Variants in NDUFV2 observed in about 807,000 individuals in gnomAD.
NDUFV2 encodes the protein NADH:ubiquinone oxidoreductase core subunit V2.
In NDUFV2, 18 loss-of-function variants were observed where a neutral mutation model predicts 31.6. The observed-to-expected ratio is 0.57, with a 90% CI of 0.39 to 0.84. The LOEUF is 0.84. NDUFV2 is among the 40% of genes least tolerant of loss of function. The pLI is 0.00. For missense variants in NDUFV2, 314 were observed against 303.6 expected, an observed-to-expected ratio of 1.03 and a Z score of -0.26; for synonymous variants, 83 against 99.8, an observed-to-expected ratio of 0.83 and a Z score of 1.01.
At chr18:9,113,215 C>A (rs2077880575) in intron 1 of NDUFV2, among the ~76,000 whole-genome samples, 2 of 152,172 alleles carry the variant, frequency 1.3e-5, no homozygotes, top group Admixed American at 1.3e-4. Context: ...GTTTAATATT[C>A]TGCCTGGCAG....
At chr18:9,129,475 C>G (rs565289950) in intron 7 of NDUFV2, among the ~76,000 whole-genome samples, 1 of 152,234 alleles carries the variant, frequency 6.6e-6, no homozygotes, top group East Asian at 1.9e-4. Context: ...ATAAAGTTCT[C>G]ATATATCTTC....
At chr18:9,116,231 G>A (rs1175331091) in intron 1 of NDUFV2, among the ~76,000 whole-genome samples, 1 of 152,214 alleles carries the variant, frequency 6.6e-6, no homozygotes, top group Non-Finnish European at 1.5e-5. Context: ...GAGAAAAGAA[G>A]ATAGGAGTGT....
chr18:9,124,241 C>G (rs1308301825), intron 5 of NDUFV2, among the ~76,000 whole-genome samples: 1 of 147,860 alleles, frequency 6.8e-6, no homozygotes, highest in Non-Finnish European at 1.5e-5. Context: ...GGCTGGAGTA[C>G]AGTAGCACAA....
intron 1 of NDUFV2, chr18:9,117,351 G>T (rs965339076): frequency 6.4e-6 from 1 of 156,316 alleles, no homozygotes; most frequent in Admixed American, 6.2e-5. Flanking sequence ...TACTTTTTAC[G>T]GCTGGAGTTT....
chr18:9,111,107 A>G (rs1598342511), intron 1 of NDUFV2, among the ~76,000 whole-genome samples: 1 of 152,072 alleles, frequency 6.6e-6, no homozygotes, highest in Non-Finnish European at 1.5e-5. Context: ...TAGACCTACT[A>G]TGTTCTTTTA....
Position 9,124,981 on chromosome 18 carries a change from T to A in NDUFV2, c.577T>A (p.Tyr193Asn), listed in dbSNP as rs1257436248. 1 of 1,613,210 alleles carries A rather than the reference T, an allele frequency of 6.2e-7. No individual in the cohort carries two copies. Among genetic ancestry groups the A allele is most frequent in the Non-Finnish European group, 8.5e-7 (1 of 1,179,338 alleles). ...AATGGTTCAAATAAATGACAATTAC[T>A]ATGTGAGTATTTCAGGTAATACAAG... is the stretch of plus-strand genomic sequence containing the variant. ...APMVQINDNYYEDLTAKDIEE... is the reference protein window; with the variant it reads ...APMVQINDNYNEDLTAKDIEE... Residue 193 changes from tyrosine to asparagine, a missense_variant and splice_region_variant, in exon 6 of 8, where the codon TAT becomes AAT. Coordinates refer to ENST00000318388, the MANE Select transcript of NDUFV2 (RefSeq NM_021074.5).
intron 1 of NDUFV2, chr18:9,103,063 G>A: frequency 2.4e-6 from 1 of 422,302 alleles, no homozygotes; most frequent in Admixed American, 4.3e-5. Context: ...ATATATATAT[G>A]TTTGTTTGTT....
chr18:9,131,513 T>C (rs2078040069), intron 7 of NDUFV2, among the ~76,000 whole-genome samples: 1 of 152,246 alleles, frequency 6.6e-6, no homozygotes, highest in African/African-American at 2.4e-5. Context: ...TCTTCATATT[T>C]AGAGCTAGGC....
chr18:9,134,119 C>T, intron 7 of NDUFV2, 67 bp from the exon 8 acceptor site: 1 of 1,207,646 alleles, frequency 8.3e-7, no homozygotes, highest in Non-Finnish European at 1.2e-6. Flanking sequence ...GTGAGGTAAC[C>T]ATTACAATTT....
At chr18:9,110,298 C>T (rs1450253148) in intron 1 of NDUFV2, among the ~76,000 whole-genome samples, 1 of 151,884 alleles carries the variant, frequency 6.6e-6, no homozygotes, top group Non-Finnish European at 1.5e-5. Context: ...TGTTTTATTC[C>T]TTTATTGAAA....
At chr18:9,114,093 G>A (rs770729947) in intron 1 of NDUFV2, among the ~76,000 whole-genome samples, 2 of 151,718 alleles carry the variant, frequency 1.3e-5, no homozygotes, top group Admixed American at 1.3e-4. Context: ...TAGAAAAGAT[G>A]GTCTTAAACA....
At chr18:9,122,479 A>C (rs1292687494) in intron 4 of NDUFV2, 34 bp from the exon 5 acceptor site, 23 of 1,533,032 alleles carry the variant, frequency 1.5e-5, no homozygotes, top group Non-Finnish European at 2.1e-5. Context: ...CTAACACTGT[A>C]ATTATCTTAT....
At chr18:9,130,650 A>G (rs2078032247) in intron 7 of NDUFV2, among the ~76,000 whole-genome samples, 1 of 149,088 alleles carries the variant, frequency 6.7e-6, no homozygotes, top group South Asian at 2.1e-4. Flanking sequence ...TAACCATAAT[A>G]TAGTTATAGT....
intron 2 of NDUFV2, among the ~76,000 whole-genome samples, chr18:9,118,389 A>G (rs534780140): frequency 1.1e-4 from 16 of 152,142 alleles, no homozygotes; most frequent in Non-Finnish European, 1.8e-4. Context: ...ATAAGATATT[A>G]TATCTCCCTT....
intron 1 of NDUFV2, among the ~76,000 whole-genome samples, chr18:9,117,089 T>G (rs1425838161): frequency 6.6e-6 from 1 of 150,884 alleles, no homozygotes; most frequent in Non-Finnish European, 1.5e-5. Context: ...CAGGCTGGAG[T>G]GCGGTGGCGC....
intron 5 of NDUFV2, among the ~76,000 whole-genome samples, chr18:9,124,095 A>ATACT: frequency 6.6e-6 from 1 of 152,304 alleles, no homozygotes; most frequent in Non-Finnish European, 1.5e-5. Context: ...GTATAACAGT[A>ATACT]AACACTGGTG....
chr18:9,128,081 G>A (rs1301013773), intron 7 of NDUFV2, among the ~76,000 whole-genome samples: 1 of 152,008 alleles, frequency 6.6e-6, no homozygotes, highest in Non-Finnish European at 1.5e-5. Flanking sequence ...CTTAATACTA[G>A]CAAATGTTCT....
chr18:9,126,113 TCA>T (rs1322284153), intron 6 of NDUFV2, among the ~76,000 whole-genome samples: 1 of 152,224 alleles, frequency 6.6e-6, no homozygotes, highest in Non-Finnish European at 1.5e-5. Flanking sequence ...AATTAGACAG[TCA>T]AGGCTTTGTG....
At chr18:9,103,115 C>G (rs2077823394) in intron 1 of NDUFV2, 1 of 405,958 alleles carries the variant, frequency 2.5e-6, no homozygotes, top group East Asian at 3.6e-5. Context: ...CCTGCTCTGG[C>G]CAGATCAGTT....
Sources: gnomAD v4.1 joint callset for allele counts (sites outside exome capture counted in the v4.1 genomes callset) on GRCh38, gnomAD v4.1.1 for gene constraint, MANE v1.5 for transcripts, NCBI Gene and HGNC (gene_info 2026-07-23, HGNC 2026-07-21) for gene names.